IRAK1BP1: variants seen among roughly 807,000 people sequenced by gnomAD.
The protein encoded by IRAK1BP1 is interleukin 1 receptor associated kinase 1 binding protein 1.
IRAK1BP1 carries 24 observed loss-of-function variants against 28.0 expected under a neutral mutation model. The observed-to-expected ratio is 0.86, with a 90% CI of 0.62 to 1.20. The LOEUF (loss-of-function observed/expected upper bound fraction) is 1.20, where lower values mean the gene tolerates loss of function less well. IRAK1BP1 is among the 50% of genes most tolerant of loss of function. IRAK1BP1 has a pLI of 0.00. For missense variants in IRAK1BP1, 336 were observed against 316.7 expected, an observed-to-expected ratio of 1.06 and a Z score of -0.46; for synonymous variants, 131 against 116.3, an observed-to-expected ratio of 1.13 and a Z score of -0.81.
the IRAK1BP1 span, among the ~76,000 whole-genome samples, chr6:78,968,118 G>C: frequency 6.6e-6 from 1 of 152,256 alleles, no homozygotes; most frequent in South Asian, 2.1e-4. Flanking sequence ...CTGGGTGACA[G>C]AGCGAGACTC....
chr6:78,919,959 C>T (rs2127665155), intron 4 of IRAK1BP1, among the ~76,000 whole-genome samples: 1 of 152,262 alleles, frequency 6.6e-6, no homozygotes, highest in South Asian at 2.1e-4. Flanking sequence ...AGCAGCACAT[C>T]AAAAAGTTAA....
chr6:78,933,577 T>C (rs1773141372), intron 4 of IRAK1BP1, among the ~76,000 whole-genome samples: 1 of 152,058 alleles, frequency 6.6e-6, no homozygotes, highest in South Asian at 2.1e-4. Flanking sequence ...ATCGCACTTT[T>C]GCACTCCAGC....
At chr6:78,886,123 A>G (rs1771426823) in intron 2 of IRAK1BP1, among the ~76,000 whole-genome samples, 1 of 152,156 alleles carries the variant, frequency 6.6e-6, no homozygotes, top group Non-Finnish European at 1.5e-5. Context: ...GAAATCTTGT[A>G]TATCAAATGA....
chr6:78,885,891 AC>A (rs1771415523), intron 2 of IRAK1BP1, among the ~76,000 whole-genome samples: 1 of 152,166 alleles, frequency 6.6e-6, no homozygotes, highest in African/African-American at 2.4e-5. Flanking sequence ...AAAGAATAAA[AC>A]TATTTTCAGT....
intron 4 of IRAK1BP1, among the ~76,000 whole-genome samples, chr6:78,910,470 C>A (rs547788385): frequency 6.6e-6 from 1 of 152,328 alleles, no homozygotes; most frequent in East Asian, 1.9e-4. Context: ...AAACAGTAGA[C>A]TGATAACATT....
At chr6:78,872,288 T>C (rs1770820675) in intron 1 of IRAK1BP1, among the ~76,000 whole-genome samples, 1 of 152,192 alleles carries the variant, frequency 6.6e-6, no homozygotes, top group Non-Finnish European at 1.5e-5. Context: ...TGGGATCACC[T>C]TCAAAATTAA....
chr6:78,868,684 A>T (rs1194589445), intron 1 of IRAK1BP1, among the ~76,000 whole-genome samples: 1 of 152,234 alleles, frequency 6.6e-6, no homozygotes, highest in East Asian at 1.9e-4. Context: ...TTCCAAATTT[A>T]AAGAGGTTAA....
chr6:78,934,483 GCAATA>G (rs1773189368), intron 4 of IRAK1BP1, among the ~76,000 whole-genome samples: 1 of 152,156 alleles, frequency 6.6e-6, no homozygotes, highest in Non-Finnish European at 1.5e-5. Context: ...ACAATTTATA[GCAATA>G]CAATAGTGTG....
At chr6:78,891,835 A>G (rs1268998997) in intron 2 of IRAK1BP1, among the ~76,000 whole-genome samples, 1 of 152,104 alleles carries the variant, frequency 6.6e-6, no homozygotes, top group East Asian at 1.9e-4. Flanking sequence ...TAGTAGTATA[A>G]CTACTCATAT....
At chr6:78,978,722 TTAAG>T in the IRAK1BP1 span, 1 of 1,589,762 alleles carries the variant, frequency 6.3e-7, no homozygotes, top group Non-Finnish European at 8.6e-7. Context: ...CTGACAAAAT[TTAAG>T]TAATAATTGT....
At chr6:78,969,481 G>A in the IRAK1BP1 span, among the ~76,000 whole-genome samples, 1 of 152,148 alleles carries the variant, frequency 6.6e-6, no homozygotes, top group Non-Finnish European at 1.5e-5. Flanking sequence ...AAAGAAAAAT[G>A]TCAGTTTAGC....
chr6:78,947,642 G>T, downstream of IRAK1BP1: 1 of 1,461,552 alleles, frequency 6.8e-7, no homozygotes, highest in Non-Finnish European at 9.6e-7. Flanking sequence ...TTTGCTTGGT[G>T]TATATGCTTT....
intron 4 of IRAK1BP1, among the ~76,000 whole-genome samples, chr6:78,941,685 T>TAAA (rs1773509463): frequency 6.6e-6 from 1 of 152,142 alleles, no homozygotes; most frequent in Non-Finnish European, 1.5e-5. Context: ...TAGAACTGTT[T>TAAA]AAAGAGGATT....
intron 1 of IRAK1BP1, among the ~76,000 whole-genome samples, chr6:78,879,517 C>CA (rs1234315004): frequency 2.6e-5 from 4 of 151,980 alleles, no homozygotes; most frequent in Non-Finnish European, 4.4e-5. Context: ...TGTCTGTATG[C>CA]AAAAAAATGA....
At chr6:78,970,036 C>A in the IRAK1BP1 span, 4 of 1,612,220 alleles carry the variant, frequency 2.5e-6, no homozygotes, top group Non-Finnish European at 3.4e-6. Flanking sequence ...TTGCCTCTTT[C>A]AACAGTCCTT....
chr6:78,867,778 G>GC lies in IRAK1BP1; in HGVS notation c.203dup (p.Gln69AlafsTer48). The GC allele has an allele frequency of 6.2e-7, 1 of 1,614,030 alleles. No individual in the cohort carries two copies. The highest frequency in any genetic ancestry group is 8.5e-7 in the Non-Finnish European group (1 of 1,179,974). Reference sequence around the variant, plus strand: ...AGAAGTGTCTGCGGGCCCTGACCGGGCGCAGGTGGTGGTGCGAGTGAGCAG... The same window carrying GC: ...AGAAGTGTCTGCGGGCCCTGACCGGGCCGCAGGTGGTGGTGCGAGTGAGCAG... On this transcript the variant is annotated frameshift_variant, in exon 1 of 4. Coordinates refer to ENST00000369940, the MANE Select transcript of IRAK1BP1 (RefSeq NM_001010844.4). LOFTEE classifies it high-confidence loss of function.
intron 1 of IRAK1BP1, chr6:78,871,538 G>T: frequency 6.1e-6 from 6 of 985,150 alleles, no homozygotes; most frequent in Non-Finnish European, 7.2e-6. Context: ...ACACATCAAG[G>T]CATATAGTTC....
At chr6:78,952,531 T>C in the IRAK1BP1 span, among the ~76,000 whole-genome samples, 1 of 152,094 alleles carries the variant, frequency 6.6e-6, no homozygotes, top group Non-Finnish European at 1.5e-5. Flanking sequence ...ACTGAAATTT[T>C]TGTTAGACAT....
chr6:78,941,282 C>T, intron 4 of IRAK1BP1: 2 of 1,613,512 alleles, frequency 1.2e-6, no homozygotes, highest in Non-Finnish European at 1.7e-6. Flanking sequence ...TCCTCCATGG[C>T]CATTTACTTG....
Sources: gnomAD v4.1 joint callset for allele counts (sites outside exome capture counted in the v4.1 genomes callset) on GRCh38, gnomAD v4.1.1 for gene constraint, MANE v1.5 for transcripts, NCBI Gene and HGNC (gene_info 2026-07-23, HGNC 2026-07-21) for gene names.